Variants in NRG1 observed in about 807,000 individuals in gnomAD.
The protein encoded by NRG1 is pro-neuregulin-1, membrane-bound isoform.
Under a neutral mutation model 63.8 loss-of-function variants are expected in NRG1, and 18 were observed. The observed-to-expected ratio is 0.28, with a 90% CI of 0.19 to 0.42. The LOEUF (loss-of-function observed/expected upper bound fraction) is 0.42. Ranked by LOEUF, NRG1 falls within the 10% of genes least tolerant of loss-of-function variation. The pLI, the probability that NRG1 is intolerant of heterozygous loss-of-function variation, is 1.00. For missense variants in NRG1, 762 were observed against 814.7 expected (o/e 0.94, Z 0.79); for synonymous variants, 302 against 301.3 (o/e 1.00, Z -0.02).
At chr8:32,321,958 G>A (rs1801443554) in intron 1 of NRG1, among the ~76,000 whole-genome samples, 1 of 151,800 alleles carries the variant, frequency 6.6e-6, no homozygotes, top group South Asian at 2.1e-4. Flanking sequence ...GTGCCCAAAG[G>A]TCTTCATTTA....
At chr8:31,734,878 A>G (rs1814494472) in intron 1 of NRG1, among the ~76,000 whole-genome samples, 1 of 151,610 alleles carries the variant, frequency 6.6e-6, no homozygotes. Flanking sequence ...TGTTTGTATT[A>G]CCCTCCCTCT....
intron 1 of NRG1, among the ~76,000 whole-genome samples, chr8:31,801,369 ATTCTC>A (rs1352041933): frequency 6.6e-6 from 1 of 152,140 alleles, no homozygotes; most frequent in Non-Finnish European, 1.5e-5. Context: ...TGTATTGGCT[ATTCTC>A]TTTTCTTTTG....
chr8:32,378,769 G>A lies in NRG1; in HGVS notation c.38-217059G>A, dbSNP rs7839625. Among the ~76,000 whole-genome samples, 372 of 137,206 alleles carry A rather than the reference G, an allele frequency of 2.7e-3. 3 individuals carry two copies. The highest frequency in any genetic ancestry group is 1.0e-2 in the African/African-American group (361 of 36,154). 90.0% of individuals were successfully genotyped at this position (137,206 alleles called of 152,430 possible). ...TATCTCCAAATGCTATCCCTCCCCCGTCCCCCAACCCCACAACAGGCCCCA... is the reference window on the plus strand; with the variant it reads ...TATCTCCAAATGCTATCCCTCCCCCATCCCCCAACCCCACAACAGGCCCCA... On this transcript the variant is annotated intron_variant, in intron 1 of 10. Coordinates refer to the NRG1 transcript ENST00000519301.
intron 5 of NRG1, among the ~76,000 whole-genome samples, chr8:32,727,307 T>A (rs536455037): frequency 1.3e-5 from 2 of 152,218 alleles, no homozygotes; most frequent in Admixed American, 1.3e-4. Context: ...TTCCATTTCC[T>A]TAAAAGTATG....
At chr8:32,357,343 A>G (rs17706609) in intron 1 of NRG1, among the ~76,000 whole-genome samples, 8,576 of 152,336 alleles carry the variant, frequency 0.056, 317 homozygotes, top group Middle Eastern at 0.099. Flanking sequence ...ATGTAAAATC[A>G]TGGAGGACAG....
chr8:32,092,592 T>C (rs1444945252), intron 1 of NRG1, among the ~76,000 whole-genome samples: 3 of 152,084 alleles, frequency 2.0e-5, no homozygotes, highest in Non-Finnish European at 4.4e-5. Flanking sequence ...AGCTCCGGGC[T>C]CAGAAGATGG....
At chr8:31,674,702 A>T (rs886775891) in intron 1 of NRG1, among the ~76,000 whole-genome samples, 1 of 152,212 alleles carries the variant, frequency 6.6e-6, no homozygotes, top group African/African-American at 2.4e-5. Flanking sequence ...ACAGATGAAT[A>T]TTCAAAGTTT....
intron 1 of NRG1, among the ~76,000 whole-genome samples, chr8:32,109,366 C>T (rs1279585043): frequency 1.3e-5 from 2 of 152,160 alleles, no homozygotes; most frequent in Non-Finnish European, 2.9e-5. Flanking sequence ...CCAGGAAAAG[C>T]TTATTAAACA....
At chr8:32,702,126 G>A (rs16879785) in intron 5 of NRG1, among the ~76,000 whole-genome samples, 6,588 of 152,152 alleles carry the variant, frequency 0.043, 238 homozygotes, top group Middle Eastern at 0.13. Context: ...GTGGGAATAC[G>A]AGTCATTTAT....
intron 1 of NRG1, among the ~76,000 whole-genome samples, chr8:32,092,405 T>G (rs1424994181): frequency 7.9e-6 from 1 of 127,234 alleles, no homozygotes; most frequent in Non-Finnish European, 1.6e-5. Context: ...TGCAGTAAAC[T>G]AAGCTATGAT....
chr8:32,671,409 A>G (rs894725630), intron 5 of NRG1, among the ~76,000 whole-genome samples: 1 of 152,202 alleles, frequency 6.6e-6, no homozygotes, highest in African/African-American at 2.4e-5. Flanking sequence ...GAGAGCCTTC[A>G]TAACAAATGA....
In NRG1 at chr8:32,657,890, A is replaced by G. The variant is rs912787750; in HGVS notation, c.502+41005A>G. 1.8e-4 allele frequency among the ~76,000 whole-genome samples: 27 copies of G among 152,210 alleles called. 1 individual carries two copies. Among genetic ancestry groups the G allele is most frequent in the Non-Finnish European group, 5.9e-5 (4 of 68,026 alleles). Reference sequence around the variant, plus strand: ...ATCTTTAAAGCAAGCTGAATTTCACAGTTTTTCCCATCAAGCAACTCCTAT... The same window carrying G: ...ATCTTTAAAGCAAGCTGAATTTCACGGTTTTTCCCATCAAGCAACTCCTAT... On this transcript the variant is annotated intron_variant, in intron 5 of 11. Coordinates refer to ENST00000356819, the Ensembl canonical transcript of NRG1.
At chr8:31,833,835 A>AC (rs201457669) in intron 1 of NRG1, among the ~76,000 whole-genome samples, 1,994 of 152,288 alleles carry the variant, frequency 0.013, 48 homozygotes, top group African/African-American at 0.046. Context: ...AAGTGGGTTA[A>AC]TTCTATTGGG....
At chr8:32,735,044 T>A (rs948873511) in intron 6 of NRG1, among the ~76,000 whole-genome samples, 7 of 152,150 alleles carry the variant, frequency 4.6e-5, no homozygotes, top group African/African-American at 1.7e-4. Context: ...TTAATTGAGC[T>A]AAGGGAATGT....
intron 1 of NRG1, among the ~76,000 whole-genome samples, chr8:31,796,587 C>T (rs2131693189): frequency 6.6e-6 from 1 of 151,920 alleles, no homozygotes; most frequent in African/African-American, 2.4e-5. Context: ...CTCCCGCCAC[C>T]ACACCAGGCT....
At chr8:31,676,924 G>A (rs1167515001) in intron 1 of NRG1, among the ~76,000 whole-genome samples, 1 of 152,210 alleles carries the variant, frequency 6.6e-6, no homozygotes, top group East Asian at 1.9e-4. Flanking sequence ...CTGGCACTCT[G>A]CAAGCATCCC....
intron 1 of NRG1, among the ~76,000 whole-genome samples, chr8:32,187,790 A>G (rs151233532): frequency 2.0e-5 from 3 of 152,300 alleles, no homozygotes; most frequent in Non-Finnish European, 4.4e-5. Context: ...TTACCAGCAC[A>G]TGTTGATAGC....
At chr8:32,366,677 G>GTGTATATATATATATA (rs1164696498) in intron 1 of NRG1, among the ~76,000 whole-genome samples, 101 of 87,336 alleles carry the variant, frequency 1.2e-3, no homozygotes, top group Non-Finnish European at 1.9e-3. Flanking sequence ...GTGTGTGTGT[G>GTGTATATATATATATA]TATATATATA....
chr8:31,755,650 C>T (rs1816893866), intron 1 of NRG1, among the ~76,000 whole-genome samples: 1 of 152,050 alleles, frequency 6.6e-6, no homozygotes. Flanking sequence ...GTATGATTAA[C>T]CAATATACCT....
Sources: allele counts gnomAD v4.1 joint callset (sites outside exome capture counted in the v4.1 genomes callset), GRCh38; gene constraint gnomAD v4.1.1; transcripts MANE v1.5; gene names NCBI Gene and HGNC (gene_info 2026-07-23, HGNC 2026-07-21).